Variants in CACNA1C observed in about 807,000 individuals in gnomAD.
CACNA1C encodes the protein voltage-dependent L-type calcium channel subunit alpha-1C.
In CACNA1C, 30 loss-of-function variants were observed where a neutral mutation model predicts 229.0. The ratio of observed to expected loss-of-function variants is 0.13; its 90% CI spans 0.10 to 0.18. The LOEUF (loss-of-function observed/expected upper bound fraction) is 0.18, where lower values mean the gene tolerates loss of function less well. CACNA1C is among the 10% of genes least tolerant of loss of function. The pLI is 1.00. For missense variants in CACNA1C, 1,658 were observed against 2,845.0 expected (o/e 0.58, Z 9.49); for synonymous variants, 1,114 against 1,132.5 (o/e 0.98, Z 0.33).
At chr12:2,522,413 C>T (rs935535703) in intron 9 of CACNA1C, among the ~76,000 whole-genome samples, 4 of 152,212 alleles carry the variant, frequency 2.6e-5, no homozygotes, top group South Asian at 4.1e-4. Context: ...TATATTCATA[C>T]CTAGTTGGCC....
intron 1 of CACNA1C, among the ~76,000 whole-genome samples, chr12:2,096,793 C>G (rs2074201052): frequency 6.6e-6 from 1 of 152,202 alleles, no homozygotes; most frequent in Admixed American, 6.5e-5. Context: ...CTCTTTACAA[C>G]TATTCTAGGT....
At chr12:2,309,178 G>A (rs2095279785) in intron 3 of CACNA1C, among the ~76,000 whole-genome samples, 1 of 152,158 alleles carries the variant, frequency 6.6e-6, no homozygotes, top group Admixed American at 6.5e-5. Flanking sequence ...AGGAAATCCT[G>A]CCCTTTGCAA....
intron 5 of CACNA1C, among the ~76,000 whole-genome samples, chr12:2,476,762 CT>C (rs2099631399): frequency 6.6e-6 from 1 of 152,184 alleles, no homozygotes; most frequent in South Asian, 2.1e-4. Flanking sequence ...AAGAACCCTC[CT>C]TTAGTGTTCC....
intron 1 of CACNA1C, among the ~76,000 whole-genome samples, chr12:2,008,385 G>T (rs147114635): frequency 1.3e-5 from 2 of 151,976 alleles, no homozygotes; most frequent in African/African-American, 4.8e-5. Flanking sequence ...ATGTTGCTCA[G>T]GATGGAGATG....
chr12:2,290,612 A>G (rs1346452588), intron 3 of CACNA1C, among the ~76,000 whole-genome samples: 1 of 152,136 alleles, frequency 6.6e-6, no homozygotes, highest in Non-Finnish European at 1.5e-5. Flanking sequence ...AAACGTGATT[A>G]ATTGTACTGT....
intron 1 of CACNA1C, among the ~76,000 whole-genome samples, chr12:1,981,905 G>T (rs2036250533): frequency 6.6e-6 from 1 of 152,180 alleles, no homozygotes; most frequent in South Asian, 2.1e-4. Flanking sequence ...AGGTAAGAGT[G>T]TTCTGGGAAA....
chr12:2,189,132 C>G (rs10744559), intron 3 of CACNA1C, among the ~76,000 whole-genome samples: 1 of 148,378 alleles, frequency 6.7e-6, no homozygotes, highest in Non-Finnish European at 1.5e-5. Context: ...ACATTCCCAA[C>G]GTGAAGCATC....
intron 8 of CACNA1C, among the ~76,000 whole-genome samples, chr12:2,510,275 G>A (rs1196136508): frequency 1.3e-5 from 2 of 152,192 alleles, no homozygotes; most frequent in Non-Finnish European, 2.9e-5. Context: ...AGGAGATAAA[G>A]AGAGCCAGGC....
intron 1 of CACNA1C, among the ~76,000 whole-genome samples, chr12:2,056,728 A>T (rs1224167811): frequency 6.6e-6 from 1 of 152,220 alleles, no homozygotes; most frequent in Non-Finnish European, 1.5e-5. Context: ...TTGATCCTGC[A>T]TGGAGAAAAC....
rs2094669047 is a variant in CACNA1C, at chr12:2,649,254, A to G, written c.3945+747A>G. ...GAGACGCCATTCAGTGTGACCTTGA[A>G]GCCTCCTTGGCCCAGCCGCCTCCAA... On this transcript the variant is annotated intron_variant, in intron 31 of 46. Coordinates refer to ENST00000399655, the MANE Select transcript of CACNA1C (RefSeq NM_000719.7). The surrounding 1 kb of genome is among the most constrained non-coding windows in gnomAD (Gnocchi z 4.4). Among the ~76,000 whole-genome samples the G allele has an allele frequency of 6.6e-6, 1 of 152,206 alleles. No homozygotes were observed. Among genetic ancestry groups the G allele is most frequent in the African/African-American group, 2.4e-5 (1 of 41,456 alleles).
Position 2,303,133 on chromosome 12 carries a change from C to T in CACNA1C, c.478-145843C>T, listed in dbSNP as rs571947704. Among the ~76,000 whole-genome samples the T allele has an allele frequency of 2.6e-5, 4 of 152,370 alleles. No individual in the cohort carries two copies. In the South Asian group the frequency reaches 8.3e-4, roughly 32 times the overall value. ...GGGATGTGGTTGCATGCTGGAGCCG[C>T]TAGTATGGACTCGTGAATGTGGCTT... On this transcript the variant is annotated intron_variant, in intron 3 of 46. Coordinates refer to ENST00000399655, the MANE Select transcript of CACNA1C (RefSeq NM_000719.7).
chr12:2,533,590 T>G (rs1179631015), intron 9 of CACNA1C, among the ~76,000 whole-genome samples: 1 of 152,210 alleles, frequency 6.6e-6, no homozygotes, highest in Non-Finnish European at 1.5e-5. Context: ...CAGGGAAGGC[T>G]GCTTGGTGCA....
chr12:2,399,807 T>C (rs2098651043), intron 3 of CACNA1C, among the ~76,000 whole-genome samples: 1 of 152,174 alleles, frequency 6.6e-6, no homozygotes, highest in Admixed American at 6.5e-5. Context: ...GGCCATATCA[T>C]CCCCATGGGT....
chr12:2,303,163 T>A (rs1438976867), intron 3 of CACNA1C, among the ~76,000 whole-genome samples: 1 of 152,210 alleles, frequency 6.6e-6, no homozygotes, highest in Non-Finnish European at 1.5e-5. Flanking sequence ...TGGCTTCCGG[T>A]CACAAAAGTG....
intron 3 of CACNA1C, among the ~76,000 whole-genome samples, chr12:2,245,455 G>A (rs574760198): frequency 2.6e-5 from 4 of 152,356 alleles, no homozygotes; most frequent in African/African-American, 9.6e-5. Flanking sequence ...TCCTTGCCGG[G>A]AGAGTGTCAT....
At chr12:2,573,628 G>C (rs530274985) in intron 13 of CACNA1C, among the ~76,000 whole-genome samples, 1 of 152,282 alleles carries the variant, frequency 6.6e-6, no homozygotes. Flanking sequence ...ATGGTCCAAG[G>C]GTCGGGAACA....
chr12:2,541,793 A>G (rs1040015286), intron 9 of CACNA1C, among the ~76,000 whole-genome samples: 3 of 152,214 alleles, frequency 2.0e-5, no homozygotes, highest in Non-Finnish European at 4.4e-5. Flanking sequence ...ACAAAGCTCC[A>G]TCCCTGGGAC....
chr12:2,623,354 C>T (rs924209346), intron 29 of CACNA1C, among the ~76,000 whole-genome samples: 6 of 152,064 alleles, frequency 3.9e-5, no homozygotes, highest in Non-Finnish European at 7.4e-5. Flanking sequence ...CGAGCCTCTC[C>T]ATGGTTCCCC....
At chr12:2,673,538 A>AGCTGGGCT (rs1433103430) in intron 38 of CACNA1C, among the ~76,000 whole-genome samples, 3 of 151,834 alleles carry the variant, frequency 2.0e-5, no homozygotes, top group Non-Finnish European at 4.4e-5. Context: ...GCAGTGGTGA[A>AGCTGGGCT]GCTGGGCTTT....
Sources: gnomAD v4.1 joint callset for allele counts (sites outside exome capture counted in the v4.1 genomes callset) on GRCh38, gnomAD v4.1.1 for gene constraint, Gnocchi (gnomAD v3.1) non-coding constraint, MANE v1.5 for transcripts, NCBI Gene and HGNC (gene_info 2026-07-23, HGNC 2026-07-21) for gene names.